TSPAN2: variants seen among roughly 807,000 people sequenced by gnomAD.
The protein encoded by TSPAN2 is tetraspanin 2.
A neutral mutation model predicts 33.3 loss-of-function variants in TSPAN2; 24 were observed. The observed-to-expected ratio is 0.72, with a 90% CI of 0.52 to 1.01. The LOEUF (loss-of-function observed/expected upper bound fraction) is 1.01, where lower values mean the gene tolerates loss of function less well. Ranked by LOEUF, TSPAN2 falls within the 50% of genes least tolerant of loss-of-function variation. TSPAN2 has a pLI of 0.00. For synonymous variants in TSPAN2, 114 were observed against 104.5 expected (o/e 1.09, Z -0.56); for missense variants, 278 against 281.3 (o/e 0.99, Z 0.08).
chr1:115,072,399 C>T (rs1335324383), intron 2 of TSPAN2, among the ~76,000 whole-genome samples: 6 of 152,130 alleles, frequency 3.9e-5, no homozygotes, highest in African/African-American at 4.8e-5. Flanking sequence ...GAGATTAGCA[C>T]CTTCAAACCT....
chr1:115,079,099 C>T (rs1557884416), intron 1 of TSPAN2, among the ~76,000 whole-genome samples: 1 of 151,662 alleles, frequency 6.6e-6, no homozygotes, highest in Non-Finnish European at 1.5e-5. Context: ...ACATGCCTTC[C>T]ACTGGCAGGG....
intron 2 of TSPAN2, among the ~76,000 whole-genome samples, chr1:115,067,447 ATTCCAACTTCTTATAAAAATGCTC>A (rs979194932): frequency 5.9e-5 from 9 of 152,326 alleles, no homozygotes; most frequent in African/African-American, 2.2e-4. Context: ...ATGATTGTCT[ATTCCAACTTCTTATAAAAATGCTC>A]TGGAGAAATT....
At chr1:115,073,268 T>TAACCACACA (rs1258894246) in intron 1 of TSPAN2, among the ~76,000 whole-genome samples, 1 of 152,152 alleles carries the variant, frequency 6.6e-6, no homozygotes, top group East Asian at 1.9e-4. Context: ...GGCTGCCCTG[T>TAACCACACA]GGTTATGGGG....
intron 6 of TSPAN2, 111 bp from the exon 7 acceptor site, chr1:115,053,573 C>T (rs1005418708): frequency 9.3e-6 from 8 of 859,192 alleles, no homozygotes; most frequent in Non-Finnish European, 1.5e-5. Flanking sequence ...TAATCCATGC[C>T]AGCTTCTACT....
At chr1:115,055,287 A>G (rs991758102) in intron 6 of TSPAN2, among the ~76,000 whole-genome samples, 4 of 151,960 alleles carry the variant, frequency 2.6e-5, no homozygotes, top group Middle Eastern at 3.2e-3. Flanking sequence ...GGCTTTAGTC[A>G]CAAAAGGAAT....
At chr1:115,065,511 G>T (rs1647916662) in intron 2 of TSPAN2, among the ~76,000 whole-genome samples, 1 of 152,186 alleles carries the variant, frequency 6.6e-6, no homozygotes, top group South Asian at 2.1e-4. Flanking sequence ...ATCATGAATA[G>T]CTGGCCTTTG....
intron 7 of TSPAN2, 136 bp from the exon 8 acceptor site, chr1:115,050,691 AGTAT>A: frequency 1.4e-6 from 1 of 702,260 alleles, no homozygotes; most frequent in South Asian, 1.7e-5. Context: ...ATGACATTTT[AGTAT>A]GTTACTTAAG....
rs1647257935 is a variant in TSPAN2, at chr1:115,053,249, A to T, written c.600+130T>A. 6.8e-6 allele frequency: 5 copies of T among 740,034 alleles called. No homozygotes were observed. In the South Asian group the frequency reaches 8.2e-5, roughly 12 times the overall value. The allele number at this position is 740,034 out of a possible 1,614,324, so 45.8% of individuals were successfully genotyped here. On this transcript the variant is annotated intron_variant, in intron 7 of 7. Coordinates refer to ENST00000369516, the MANE Select transcript of TSPAN2 (RefSeq NM_005725.6). ...GCTTTGTTCTTAGAAGATGTAATAC[A>T]TTGTGAACAAAGGTCTTTTTTCTTT...
In TSPAN2 at chr1:115,050,516, T is replaced by C. The variant is rs367899150; in HGVS notation, c.640A>G (p.Ile214Val). ...MIFSMVLCCA[I>V]RNSRDVI ...CATATCACATCTCGTGAGTTTCGTA[T>C]CGCACAGCAGAGGACCATGCTGAAT... is the stretch of plus-strand genomic sequence containing the variant. Residue 214 changes from isoleucine to valine, a missense_variant, in exon 8 of 8, where the codon ATA becomes GTA. Coordinates refer to ENST00000369516, the MANE Select transcript of TSPAN2 (RefSeq NM_005725.6). 9 of 1,613,930 alleles carry C rather than the reference T, an allele frequency of 5.6e-6. No homozygotes were observed. The African/African-American group carries it at 9.3e-5, about 17-fold the overall frequency.
chr1:115,085,516 G>A (rs77284491), intron 1 of TSPAN2, among the ~76,000 whole-genome samples: 53 of 152,298 alleles, frequency 3.5e-4, no homozygotes, highest in Admixed American at 7.8e-4. Context: ...AGGAAGTGCT[G>A]TCACCCAAGG....
intron 1 of TSPAN2, among the ~76,000 whole-genome samples, chr1:115,085,069 A>C (rs1648782721): frequency 6.6e-6 from 1 of 152,208 alleles, no homozygotes; most frequent in South Asian, 2.1e-4. Context: ...TTAAGCCAAC[A>C]TATGCGGCTT....
At chr1:115,089,501 GGCGGGGAGGGGGCGGA>G in exon 1 of TSPAN2, 1 of 1,229,844 alleles carries the variant, frequency 8.1e-7, no homozygotes, top group South Asian at 2.4e-5. Flanking sequence ...GGCAGGCTCC[GGCGGGGAGGGGGCGGA>G]GCGGGGAGGA....
chr1:115,062,715 TC>T (rs1647783605), intron 2 of TSPAN2, among the ~76,000 whole-genome samples: 1 of 152,248 alleles, frequency 6.6e-6, no homozygotes, highest in Non-Finnish European at 1.5e-5. Context: ...GTTAATGGTC[TC>T]TATTTCATTT....
At position 115,060,424 on chromosome 1, in the gene TSPAN2, T is replaced by C. The variant is rs116826376; in HGVS notation, c.345+40A>G. 1.8e-4 allele frequency: 262 copies of C among 1,482,180 alleles called. 1 individual carries two copies. In the African/African-American group the frequency reaches 3.3e-3, roughly 19 times the overall value. The allele number at this position is 1,482,180 out of a possible 1,614,324, so 91.8% of individuals were successfully genotyped here. On this transcript the variant is annotated intron_variant, in intron 4 of 7. Coordinates refer to ENST00000369516, the MANE Select transcript of TSPAN2 (RefSeq NM_005725.6). Reference sequence around the variant, plus strand: ...TGTGGGTATCAATATTCTAACACTTTTAACCATCATAGAAAAACATTATAA... The same window carrying C: ...TGTGGGTATCAATATTCTAACACTTCTAACCATCATAGAAAAACATTATAA...
At chr1:115,063,316 A>G (rs1416168518) in intron 2 of TSPAN2, among the ~76,000 whole-genome samples, 1 of 152,264 alleles carries the variant, frequency 6.6e-6, no homozygotes, top group Non-Finnish European at 1.5e-5. Context: ...ACAAACATGA[A>G]ATAATGCTCG....
At chr1:115,065,344 G>T (rs926873313) in intron 2 of TSPAN2, among the ~76,000 whole-genome samples, 7 of 152,168 alleles carry the variant, frequency 4.6e-5, no homozygotes, top group African/African-American at 1.7e-4. Flanking sequence ...TTAATTTACA[G>T]CCACATTTTA....
intron 6 of TSPAN2, among the ~76,000 whole-genome samples, chr1:115,055,504 C>T (rs1647372095): frequency 6.6e-6 from 1 of 151,808 alleles, no homozygotes; most frequent in African/African-American, 2.4e-5. Context: ...CTAAAAATTT[C>T]TTTGAAATCA....
intron 2 of TSPAN2, among the ~76,000 whole-genome samples, chr1:115,063,520 A>G (rs1369806735): frequency 1.3e-5 from 2 of 152,232 alleles, no homozygotes; most frequent in Non-Finnish European, 2.9e-5. Context: ...GATGACTCAA[A>G]CAACTGAGTT....
chr1:115,075,259 T>G (rs1357479967), intron 1 of TSPAN2, among the ~76,000 whole-genome samples: 1 of 152,182 alleles, frequency 6.6e-6, no homozygotes, highest in Non-Finnish European at 1.5e-5. Flanking sequence ...AAATCTGCGC[T>G]TGCTCATCCA....
Sources: gnomAD v4.1 joint callset for allele counts (sites outside exome capture counted in the v4.1 genomes callset) on GRCh38, gnomAD v4.1.1 for gene constraint, MANE v1.5 for transcripts, NCBI Gene and HGNC (gene_info 2026-07-23, HGNC 2026-07-21) for gene names.